Variants in KDM2A observed in about 807,000 individuals in gnomAD.
KDM2A encodes the protein lysine demethylase 2A, also known as lysine-specific demethylase 2A.
A neutral mutation model predicts 137.3 loss-of-function variants in KDM2A; 3 were observed. The observed-to-expected ratio is 0.02, with a 90% CI of 0.01 to 0.06. KDM2A has a LOEUF of 0.06. Among genes scored for constraint, KDM2A ranks in the 10% least tolerant of loss-of-function variants. KDM2A has a pLI of 1.00. For missense variants in KDM2A, 738 were observed against 1,510.6 expected (o/e 0.49, Z 8.48); for synonymous variants, 512 against 541.5 (o/e 0.95, Z 0.76).
intron 10 of KDM2A, 84 bp from the exon 11 acceptor site, chr11:67,227,953 T>C: frequency 7.2e-7 from 1 of 1,396,762 alleles, no homozygotes; most frequent in Admixed American, 1.8e-5. Context: ...GAGTATTTCC[T>C]GGGTTAATGA....
intron 10 of KDM2A, among the ~76,000 whole-genome samples, chr11:67,224,463 T>TTC (rs1555095430): frequency 7.7e-6 from 1 of 130,256 alleles, no homozygotes. Context: ...ACCCCTTTCT[T>TTC]TTTTTTTTTT....
intron 10 of KDM2A, among the ~76,000 whole-genome samples, chr11:67,225,025 C>T (rs576658045): frequency 7.9e-5 from 12 of 151,354 alleles, no homozygotes; most frequent in Admixed American, 3.3e-4. Flanking sequence ...CTAGTAGAGA[C>T]GGGGTTTCAG....
At chr11:67,190,280 C>T (rs1268629205) in intron 5 of KDM2A, among the ~76,000 whole-genome samples, 2 of 151,724 alleles carry the variant, frequency 1.3e-5, no homozygotes, top group Admixed American at 6.6e-5. Flanking sequence ...TGTGGTGGTA[C>T]ATGCCTGTAA....
chr11:67,143,517 T>G (rs1040152702), intron 2 of KDM2A: 3 of 152,174 alleles, frequency 2.0e-5, no homozygotes, highest in Non-Finnish European at 2.9e-5. Flanking sequence ...GATTTGAAAT[T>G]GCCACCACTT....
chr11:67,237,564 T>C (rs1466906910), intron 12 of KDM2A, among the ~76,000 whole-genome samples: 1 of 152,120 alleles, frequency 6.6e-6, no homozygotes, highest in African/African-American at 2.4e-5. Context: ...TCCCAAGTGC[T>C]AGGATTACAG....
At chr11:67,177,188 C>T (rs1856989413) in intron 2 of KDM2A, among the ~76,000 whole-genome samples, 1 of 152,058 alleles carries the variant, frequency 6.6e-6, no homozygotes, top group South Asian at 2.1e-4. Flanking sequence ...ATCACTTGAA[C>T]CCGGGAGGTG....
chr11:67,254,533 T>G lies in KDM2A; in HGVS notation c.3307+115T>G, dbSNP rs964307643. ...CTGTTGATTGACCCACATCAGCTCA[T>G]TTCTTCACATCTGGACAAGGACATG... On this transcript the variant is annotated intron_variant, in intron 20 of 20. Coordinates refer to ENST00000529006, the MANE Select transcript of KDM2A (RefSeq NM_012308.3). The surrounding 1 kb of genome is among the most constrained non-coding windows in gnomAD (Gnocchi z 4.7). The G allele has an allele frequency of 1.0e-5, 9 of 865,212 alleles. No homozygotes were observed. The highest frequency in any genetic ancestry group is 1.7e-5 in the Non-Finnish European group (9 of 528,446). 53.6% of individuals were successfully genotyped at this position (865,212 alleles called of 1,614,324 possible). A position where few individuals can be genotyped will look rare whatever the true frequency, so the allele number is the denominator to read the frequency against.
chr11:67,146,227 T>TC (rs1369084920), intron 2 of KDM2A, among the ~76,000 whole-genome samples: 1 of 152,004 alleles, frequency 6.6e-6, no homozygotes, highest in Non-Finnish European at 1.5e-5. Context: ...TCTCCTGACC[T>TC]CCTGATCTGC....
chr11:67,209,115 T>TA (rs1857900621), intron 6 of KDM2A, among the ~76,000 whole-genome samples: 1 of 151,880 alleles, frequency 6.6e-6, no homozygotes, highest in African/African-American at 2.4e-5. Flanking sequence ...TTTTTTTTGT[T>TA]AGAGACGGGG....
At chr11:67,129,830 C>G (rs28589383) in intron 2 of KDM2A, among the ~76,000 whole-genome samples, 23,674 of 150,244 alleles carry the variant, frequency 0.16, 4,678 homozygotes, top group African/African-American at 0.47. Context: ...AGAATCGCTT[C>G]AACTCGGGAG....
intron 2 of KDM2A, among the ~76,000 whole-genome samples, chr11:67,134,146 A>G (rs1426890616): frequency 2.0e-5 from 3 of 152,182 alleles, no homozygotes; most frequent in Admixed American, 2.0e-4. Flanking sequence ...AGATTTTTTG[A>G]AACTTTGAGG....
intron 2 of KDM2A, among the ~76,000 whole-genome samples, chr11:67,122,483 C>T (rs997041882): frequency 2.6e-5 from 4 of 151,884 alleles, no homozygotes; most frequent in African/African-American, 4.8e-5. Context: ...TGTGCCACCA[C>T]GTCCAGCTAA....
chr11:67,126,708 A>C (rs1358689090), intron 2 of KDM2A, among the ~76,000 whole-genome samples: 1 of 113,388 alleles, frequency 8.8e-6, no homozygotes, highest in Non-Finnish European at 1.7e-5. Flanking sequence ...ACTCCATTTC[A>C]AAAAAAAAAA....
At chr11:67,208,860 C>T (rs927106707) in intron 6 of KDM2A, among the ~76,000 whole-genome samples, 3 of 151,852 alleles carry the variant, frequency 2.0e-5, no homozygotes, top group Non-Finnish European at 4.4e-5. Context: ...AGGAGAATTG[C>T]TTGAGGCCAG....
At chr11:67,240,926 C>A (rs1454319409) in intron 12 of KDM2A, among the ~76,000 whole-genome samples, 8 of 152,116 alleles carry the variant, frequency 5.3e-5, no homozygotes, top group African/African-American at 9.7e-5. Context: ...CTGCCACCCC[C>A]CACACACACA....
At chr11:67,168,582 TACACACACACACAC>T (rs71056179) in intron 2 of KDM2A, among the ~76,000 whole-genome samples, 8 of 33,996 alleles carry the variant, frequency 2.4e-4, no homozygotes, top group African/African-American at 9.3e-4. Context: ...GTATGAATTA[TACACACACACACAC>T]ACACACACAC....
At chr11:67,209,684 T>A (rs1386048744) in intron 6 of KDM2A, among the ~76,000 whole-genome samples, 1 of 152,120 alleles carries the variant, frequency 6.6e-6, no homozygotes, top group Non-Finnish European at 1.5e-5. Context: ...CCTCAGGTGA[T>A]CCACCTGTCT....
chr11:67,247,079 T>TA (rs1565424379), intron 15 of KDM2A, among the ~76,000 whole-genome samples: 12 of 79,402 alleles, frequency 1.5e-4, no homozygotes, highest in African/African-American at 6.8e-4. Context: ...ATATTTTTTT[T>TA]TTTTTTTTTT....
intron 2 of KDM2A, among the ~76,000 whole-genome samples, chr11:67,169,297 A>T (rs1194086205): frequency 2.7e-5 from 4 of 145,718 alleles, no homozygotes; most frequent in South Asian, 2.1e-4. Context: ...AATGCCCTAA[A>T]TTTTTTTTTT....
Sources: allele counts gnomAD v4.1 joint callset (sites outside exome capture counted in the v4.1 genomes callset), GRCh38; gene constraint gnomAD v4.1.1; non-coding constraint Gnocchi (gnomAD v3.1); transcripts MANE v1.5; gene names NCBI Gene and HGNC (gene_info 2026-07-23, HGNC 2026-07-21).